Variants in AKAP13 observed in about 807,000 individuals in gnomAD.
The protein encoded by AKAP13 is A-kinase anchor protein 13.
AKAP13 carries 80 observed loss-of-function variants against 264.5 expected under a neutral mutation model. The observed-to-expected ratio is 0.30, with a 90% CI of 0.25 to 0.36. The LOEUF is 0.36. AKAP13 is among the 10% of genes least tolerant of loss of function. AKAP13 has a pLI of 1.00. For synonymous variants in AKAP13, 1,380 were observed against 1,250.2 expected (o/e 1.10, Z -2.19); for missense variants, 3,712 against 3,435.2 (o/e 1.08, Z -2.01).
rs1489706787 is a variant in AKAP13, at chr15:85,493,630, C to G, written c.33+7877C>G. Among the ~76,000 whole-genome samples the G allele has an allele frequency of 3.9e-5, 6 of 152,278 alleles. No individual in the cohort carries two copies. The East Asian group carries it at 1.2e-3, about 29-fold the overall frequency. ...TACTAGAAATAGTGCCTATATCTCT[C>G]CAGTCCTGAATTATCTTAGTTCTTT... On this transcript the variant is annotated intron_variant, in intron 2 of 36. Coordinates refer to ENST00000394518, the MANE Select transcript of AKAP13 (RefSeq NM_007200.5).
intron 30 of AKAP13, among the ~76,000 whole-genome samples, chr15:85,732,214 T>C (rs987922734): frequency 6.6e-5 from 10 of 152,184 alleles, no homozygotes; most frequent in African/African-American, 2.4e-4. Flanking sequence ...CATAGTAGTC[T>C]TTTAGAGCTA....
At chr15:85,585,921 G>C in intron 8 of AKAP13, 98 bp downstream of exon 8, 1 of 1,485,898 alleles carries the variant, frequency 6.7e-7, no homozygotes, top group Non-Finnish European at 9.1e-7. Flanking sequence ...GGGTAAGTGG[G>C]CAAAATAGTA....
chr15:85,419,935 GTTTTTTTTTT>G (rs11452064), intron 1 of AKAP13, among the ~76,000 whole-genome samples: 3 of 77,970 alleles, frequency 3.8e-5, no homozygotes, highest in Non-Finnish European at 6.9e-5. Flanking sequence ...TCTGACTCTT[GTTTTTTTTTT>G]TTTTTTTTTT....
chr15:85,434,327 C>T (rs1435256659), intron 1 of AKAP13, among the ~76,000 whole-genome samples: 2 of 152,162 alleles, frequency 1.3e-5, no homozygotes, highest in South Asian at 4.2e-4. Context: ...CCTACGCCCA[C>T]GGAATCTCGC....
chr15:85,393,428 T>C (rs1205885451), intron 1 of AKAP13, among the ~76,000 whole-genome samples: 1 of 152,256 alleles, frequency 6.6e-6, no homozygotes, highest in African/African-American at 2.4e-5. Flanking sequence ...CATGGGTCAG[T>C]GGGCAGTAAT....
chr15:85,448,116 T>C (rs1160715315), intron 1 of AKAP13, among the ~76,000 whole-genome samples: 1 of 152,240 alleles, frequency 6.6e-6, no homozygotes, highest in African/African-American at 2.4e-5. Context: ...ATTTCTCTAA[T>C]GATCACTGAT....
chr15:85,436,896 C>G (rs900504468), intron 1 of AKAP13, among the ~76,000 whole-genome samples: 1 of 151,954 alleles, frequency 6.6e-6, no homozygotes, highest in African/African-American at 2.4e-5. Flanking sequence ...CCTAACATCA[C>G]AATTAAAAGA....
At chr15:85,421,260 A>G (rs1387240558) in intron 1 of AKAP13, among the ~76,000 whole-genome samples, 1 of 152,228 alleles carries the variant, frequency 6.6e-6, no homozygotes, top group Non-Finnish European at 1.5e-5. Context: ...TTAAAGGGTG[A>G]GCAAGGCAAA....
At position 85,388,776 on chromosome 15, in the gene AKAP13, T is replaced by C. The variant is rs182127273; in HGVS notation, c.-12+7978T>C. ...TATTTCTTCCATTTGTTTCCCGTTA[T>C]GTTCATTTTAAAAATAGGTTCTTGA... is the stretch of plus-strand genomic sequence containing the variant. On this transcript the variant is annotated intron_variant, in intron 1 of 36. Coordinates refer to ENST00000394518, the MANE Select transcript of AKAP13 (RefSeq NM_007200.5). 3.2e-3 allele frequency among the ~76,000 whole-genome samples: 484 copies of C among 152,342 alleles called. 5 individuals carry two copies. The highest frequency in any genetic ancestry group is 0.017 in the South Asian group (83 of 4,826).
At chr15:85,539,723 T>C (rs2077521633) in intron 4 of AKAP13, among the ~76,000 whole-genome samples, 1 of 152,180 alleles carries the variant, frequency 6.6e-6, no homozygotes, top group South Asian at 2.1e-4. Flanking sequence ...AAGCAGGATG[T>C]GAGACATTTT....
At chr15:85,721,870 C>A in intron 23 of AKAP13, 121 bp from the exon 24 acceptor site, 1 of 1,478,076 alleles carries the variant, frequency 6.8e-7, no homozygotes, top group Non-Finnish European at 9.1e-7. Context: ...CCATTTCATT[C>A]TTTTGGGAGA....
At chr15:85,394,067 C>T (rs1346191101) in intron 1 of AKAP13, among the ~76,000 whole-genome samples, 2 of 152,196 alleles carry the variant, frequency 1.3e-5, no homozygotes, top group Non-Finnish European at 2.9e-5. Flanking sequence ...CATTTGTTCA[C>T]ATCTTCAAAG....
intron 14 of AKAP13, among the ~76,000 whole-genome samples, chr15:85,675,201 G>A (rs1158617927): frequency 1.3e-5 from 2 of 152,136 alleles, no homozygotes; most frequent in African/African-American, 4.8e-5. Flanking sequence ...CTGAGTAATA[G>A]GGGCAGCTTA....
In AKAP13 at chr15:85,741,395, G is replaced by T. The variant is rs954649620; in HGVS notation, c.7958G>T (p.Arg2653Leu). The T allele has an allele frequency of 1.9e-5, 30 of 1,613,916 alleles. No individual in the cohort carries two copies. Among genetic ancestry groups the T allele is most frequent in the Non-Finnish European group, 2.5e-5 (29 of 1,179,894 alleles). The part of the protein sequence containing the change: ...KKGTYQYDLE[R>L]LRAAQKQLER... Reference sequence around the variant, plus strand: ...GGCACATACCAGTATGACCTGGAGCGACTGCGTGCTGCCCAGAAACAGCTT... The same window carrying T: ...GGCACATACCAGTATGACCTGGAGCTACTGCGTGCTGCCCAGAAACAGCTT... The change falls in exon 35 of 37, where the codon CGA (arginine) becomes CTA (leucine). Residue 2653 changes from arginine (R) to leucine (L), a missense_variant. Arg to Leu is a moderately radical substitution (Grantham distance 102). This residue lies in a region of AKAP13 where 611 missense variants were observed against 539.3 expected (regional missense o/e 1.13). Transcript: ENST00000394518.
chr15:85,491,650 C>G (rs1390003717), intron 2 of AKAP13, among the ~76,000 whole-genome samples: 1 of 151,282 alleles, frequency 6.6e-6, no homozygotes, highest in Non-Finnish European at 1.5e-5. Context: ...AGGAAAAAAA[C>G]TATTTTCAAA....
intron 27 of AKAP13, among the ~76,000 whole-genome samples, 165 bp downstream of exon 27, chr15:85,726,651 T>C (rs2151740861): frequency 6.6e-6 from 1 of 152,336 alleles, no homozygotes; most frequent in Middle Eastern, 3.4e-3. Context: ...TGGCATCCCC[T>C]CTTCCCAAAA....
chr15:85,698,723 C>G (rs1248138244), intron 17 of AKAP13, among the ~76,000 whole-genome samples: 2 of 151,902 alleles, frequency 1.3e-5, no homozygotes, highest in African/African-American at 4.8e-5. Context: ...GCAGGTAGAT[C>G]ACTTGAGGTC....
At chr15:85,445,282 A>G (rs974200052) in intron 1 of AKAP13, among the ~76,000 whole-genome samples, 3 of 152,156 alleles carry the variant, frequency 2.0e-5, no homozygotes, top group Non-Finnish European at 2.9e-5. Context: ...TTGGCACCTT[A>G]CCACTGAAAG....
rs528406915 is a variant in AKAP13 at position 85,712,606 on chromosome 15, C to A, written c.5599+1961C>A. Among the ~76,000 whole-genome samples, 32 of 152,024 alleles carry A rather than the reference C, an allele frequency of 2.1e-4. No homozygotes were observed. In the East Asian group the frequency reaches 6.2e-3, roughly 29 times the overall value. On this transcript the variant is annotated intron_variant, in intron 19 of 36. Coordinates refer to ENST00000394518, the MANE Select transcript of AKAP13 (RefSeq NM_007200.5). The stretch of plus-strand genomic sequence containing the variant: ...TCACCCAGGCTGGAGTGCAGTGGCA[C>A]AATCTCCACTCACTGCAACATCCGC...
Sources: allele counts gnomAD v4.1 joint callset (sites outside exome capture counted in the v4.1 genomes callset), GRCh38; gene constraint gnomAD v4.1.1; regional missense constraint gnomAD v4.1.1; transcripts MANE v1.5; gene names NCBI Gene and HGNC (gene_info 2026-07-23, HGNC 2026-07-21).